The following HYCC1 variants were observed in gnomAD, a reference collection of about 807,000 sequenced individuals.
HYCC1 encodes the protein hyccin PI4KA lipid kinase complex subunit 1.
the HYCC1 span, among the ~76,000 whole-genome samples, chr7:22,908,401 A>G: frequency 2.0e-5 from 3 of 152,214 alleles, no homozygotes; most frequent in East Asian, 1.9e-4. Context: ...GTTCCAGCAC[A>G]CAGACACGAT....
chr7:22,972,899 C>T, the HYCC1 span, among the ~76,000 whole-genome samples: 1 of 152,156 alleles, frequency 6.6e-6, no homozygotes, highest in East Asian at 1.9e-4. Context: ...GGGAAGTGTT[C>T]AAGATTGTTT....
chr7:23,007,953 T>G, the HYCC1 span, among the ~76,000 whole-genome samples: 8 of 152,116 alleles, frequency 5.3e-5, no homozygotes, highest in Non-Finnish European at 2.9e-5. Context: ...AAATAAAAAT[T>G]TTGAACACAC....
chr7:22,930,503 G>A, the HYCC1 span, among the ~76,000 whole-genome samples: 3 of 151,854 alleles, frequency 2.0e-5, no homozygotes, highest in African/African-American at 7.2e-5. Context: ...AAAATACTGT[G>A]GTTGAAGGCC....
chr7:22,978,068 A>C, the HYCC1 span: 3 of 605,168 alleles, frequency 5.0e-6, no homozygotes, highest in Non-Finnish European at 8.7e-6. Flanking sequence ...ACCTTCAATC[A>C]ATCCATAAAG....
the HYCC1 span, among the ~76,000 whole-genome samples, chr7:22,912,931 G>A: frequency 2.6e-5 from 4 of 152,092 alleles, no homozygotes; most frequent in South Asian, 2.1e-4. Flanking sequence ...TCAGGAGTTC[G>A]AGGCCAGCCT....
chr7:22,907,675 C>T, the HYCC1 span, among the ~76,000 whole-genome samples: 5 of 152,080 alleles, frequency 3.3e-5, no homozygotes, highest in East Asian at 1.9e-4. Context: ...TTTGGGAGGC[C>T]GAGGCGGGTG....
chr7:22,900,967 G>A, the HYCC1 span, among the ~76,000 whole-genome samples: 2 of 152,050 alleles, frequency 1.3e-5, no homozygotes, highest in East Asian at 3.9e-4. Context: ...GTTCATGCCT[G>A]TAAGCAATTT....
chr7:22,922,398 C>G, the HYCC1 span, among the ~76,000 whole-genome samples: 1 of 152,194 alleles, frequency 6.6e-6, no homozygotes, highest in Non-Finnish European at 1.5e-5. Flanking sequence ...ATACATCCAG[C>G]CTACTATATC....
the HYCC1 span, among the ~76,000 whole-genome samples, chr7:22,907,280 C>A: frequency 6.6e-6 from 1 of 152,022 alleles, no homozygotes; most frequent in Non-Finnish European, 1.5e-5. Context: ...TAAAAATAAA[C>A]CTTTATTAAG....
the HYCC1 span, among the ~76,000 whole-genome samples, chr7:22,959,304 A>G: frequency 6.6e-6 from 1 of 152,218 alleles, no homozygotes; most frequent in African/African-American, 2.4e-5. Context: ...CTCATCACCA[A>G]CTTTCTAGTT....
At chr7:22,960,840 G>A in the HYCC1 span, among the ~76,000 whole-genome samples, 11 of 151,938 alleles carry the variant, frequency 7.2e-5, no homozygotes, top group African/African-American at 7.3e-5. Flanking sequence ...ACCTGAGGTC[G>A]GGAGTTTGAG....
chr7:22,977,280 T>C, the HYCC1 span: 8 of 1,047,442 alleles, frequency 7.6e-6, no homozygotes, highest in Middle Eastern at 2.0e-4. Flanking sequence ...AACTAGATTA[T>C]AACTTGTGGC....
the HYCC1 span, among the ~76,000 whole-genome samples, chr7:23,013,709 A>T: frequency 6.6e-6 from 1 of 151,318 alleles, no homozygotes; most frequent in South Asian, 2.1e-4. Flanking sequence ...GCCGCAGCCC[A>T]CCCGCCCGCC....
chr7:22,988,109 A>G, the HYCC1 span, among the ~76,000 whole-genome samples: 10 of 151,334 alleles, frequency 6.6e-5, no homozygotes, highest in South Asian at 1.1e-3. Flanking sequence ...TTTGTCAAAC[A>G]TAGAGCTGAA....
At chr7:22,978,559 T>A in the HYCC1 span, 1 of 902,402 alleles carries the variant, frequency 1.1e-6, no homozygotes, top group Non-Finnish European at 1.8e-6. Context: ...CTTTTTAAGT[T>A]CTTAAAATAG....
chr7:22,973,721 T>C, the HYCC1 span, among the ~76,000 whole-genome samples: 1 of 152,334 alleles, frequency 6.6e-6, no homozygotes, highest in East Asian at 1.9e-4. Flanking sequence ...CTCTTTGTTT[T>C]TAAAGCCAGT....
the HYCC1 span, chr7:22,946,212 A>C: frequency 6.8e-7 from 1 of 1,466,630 alleles, no homozygotes; most frequent in Non-Finnish European, 9.4e-7. Context: ...ATTTTAAGCA[A>C]TCTTTTTAAA....
chr7:22,987,632 T>C, the HYCC1 span, among the ~76,000 whole-genome samples: 1 of 152,130 alleles, frequency 6.6e-6, no homozygotes, highest in Non-Finnish European at 1.5e-5. Context: ...ATTTCAAAAA[T>C]TTCATCTCTA....
the HYCC1 span, chr7:22,945,936 G>A: frequency 8.1e-6 from 13 of 1,613,630 alleles, no homozygotes; most frequent in African/African-American, 1.3e-5. Flanking sequence ...GTTTGTTTTC[G>A]AGCAAAGTGA....
Sources: allele counts gnomAD v4.1 joint callset (sites outside exome capture counted in the v4.1 genomes callset), GRCh38; gene constraint gnomAD v4.1.1; transcripts MANE v1.5; gene names NCBI Gene and HGNC (gene_info 2026-07-23, HGNC 2026-07-21).